Variants in NLRP1 observed in about 807,000 individuals in gnomAD.
The protein encoded by NLRP1 is NLR family pyrin domain containing 1, also known as NACHT, LRR and PYD domains-containing protein 1.
NLRP1 carries 94 observed loss-of-function variants against 136.7 expected under a neutral mutation model. The ratio of observed to expected loss-of-function variants is 0.69; its 90% CI spans 0.58 to 0.82. The LOEUF (loss-of-function observed/expected upper bound fraction) is 0.82, where lower values mean the gene tolerates loss of function less well. NLRP1 is among the 40% of genes least tolerant of loss of function. The pLI is 0.00. For missense variants in NLRP1, 1,575 were observed against 1,802.7 expected, an observed-to-expected ratio of 0.87 and a Z score of 2.29; for synonymous variants, 690 against 725.1, an observed-to-expected ratio of 0.95 and a Z score of 0.78.
Position 5,530,559 on chromosome 17 carries a change from C to CCA in NLRP1, c.3440_3441dup (p.Ala1148TrpfsTer59). On this transcript the variant is annotated frameshift_variant, in exon 12 of 17. Coordinates refer to ENST00000572272, the MANE Select transcript of NLRP1 (RefSeq NM_033004.4). LOFTEE classifies it high-confidence loss of function. ...GCCTTGATGTCCAGCAGAGGCCCTG[C>CCA]CACCATCCAGCTGTGCTGTGGGTTG... is the stretch of plus-strand genomic sequence containing the variant. The CCA allele has an allele frequency of 6.2e-7, 1 of 1,614,242 alleles. No individual in the cohort carries two copies. The highest frequency in any genetic ancestry group is 8.5e-7 in the Non-Finnish European group (1 of 1,180,042).
intron 8 of NLRP1, among the ~76,000 whole-genome samples, chr17:5,535,818 C>T (rs1341290039): frequency 1.3e-5 from 2 of 152,208 alleles, no homozygotes; most frequent in African/African-American, 4.8e-5. Context: ...GGTGGAAATG[C>T]ACCCAACTGG....
intron 3 of NLRP1, among the ~76,000 whole-genome samples, chr17:5,562,685 A>C (rs552365717): frequency 2.0e-5 from 3 of 152,310 alleles, no homozygotes; most frequent in Non-Finnish European, 4.4e-5. Flanking sequence ...CCAAAATACA[A>C]CACCAAAATG....
At chr17:5,526,929 G>A (rs186502766) in intron 12 of NLRP1, among the ~76,000 whole-genome samples, 80 of 152,354 alleles carry the variant, frequency 5.3e-4, no homozygotes, top group Admixed American at 2.5e-3. Context: ...CTCATCACCC[G>A]TTCAGCGACG....
rs893451235 is a variant in NLRP1 at position 5,530,340 on chromosome 17, A to T, written c.3520+141T>A. 19 of 667,960 alleles carry T rather than the reference A, an allele frequency of 2.8e-5. No individual in the cohort carries two copies. The South Asian group carries it at 3.4e-4, about 12-fold the overall frequency. 41.4% of individuals were successfully genotyped at this position (667,960 alleles called of 1,614,324 possible). A position where few individuals can be genotyped will look rare whatever the true frequency, so the allele number is the denominator to read the frequency against. ...CCAGAGAAGAGTGGAATGCAGGAAA[A>T]TCTTAGTCCCCATCTCCATAACCCC... On this transcript the variant is annotated intron_variant, in intron 12 of 16. Transcript: ENST00000572272.
intron 12 of NLRP1, among the ~76,000 whole-genome samples, chr17:5,523,112 T>A (rs1379142504): frequency 6.6e-6 from 1 of 151,994 alleles, no homozygotes; most frequent in Non-Finnish European, 1.5e-5. Flanking sequence ...ATTCTGGCAG[T>A]AGCAGTTGGG....
intron 3 of NLRP1, among the ~76,000 whole-genome samples, chr17:5,577,423 T>C (rs1905132319): frequency 6.6e-6 from 1 of 152,236 alleles, no homozygotes; most frequent in Non-Finnish European, 1.5e-5. Context: ...AGTCTCAGGA[T>C]ACAAAATCAA....
intron 3 of NLRP1, among the ~76,000 whole-genome samples, chr17:5,570,066 A>T (rs546379425): frequency 6.6e-6 from 1 of 152,202 alleles, no homozygotes; most frequent in Non-Finnish European, 1.5e-5. Context: ...TTTGAAACCA[A>T]TTAGAACAAA....
chr17:5,561,426 G>GT (rs61194384), intron 3 of NLRP1, among the ~76,000 whole-genome samples: 766 of 50,384 alleles, frequency 0.015, 175 homozygotes, highest in Admixed American at 0.025. Flanking sequence ...ATGCCATGTG[G>GT]TTTTTTTTTT....
chr17:5,560,196 C>T (rs1282723612), intron 3 of NLRP1, among the ~76,000 whole-genome samples, 153 bp from the exon 4 acceptor site: 1 of 152,256 alleles, frequency 6.6e-6, no homozygotes, highest in African/African-American at 2.4e-5. Context: ...AGGACATGTG[C>T]TTTGGGGTAG....
At chr17:5,519,944 C>A (rs1908683955) in intron 14 of NLRP1, among the ~76,000 whole-genome samples, 1 of 146,770 alleles carries the variant, frequency 6.8e-6, no homozygotes, top group Non-Finnish European at 1.5e-5. Flanking sequence ...GCAACCTCTG[C>A]CTCCCAGGTT....
chr17:5,526,084 C>T (rs118153818), intron 12 of NLRP1, among the ~76,000 whole-genome samples: 2,390 of 152,022 alleles, frequency 0.016, 25 homozygotes, highest in Non-Finnish European at 0.026. Flanking sequence ...AAGTGCTCCT[C>T]TCACCTCAGC....
intron 3 of NLRP1, among the ~76,000 whole-genome samples, chr17:5,574,848 T>C (rs1235003343): frequency 6.6e-6 from 1 of 151,858 alleles, no homozygotes; most frequent in African/African-American, 2.4e-5. Flanking sequence ...TATTTTTTAG[T>C]AGAGATGGGG....
At position 5,583,700 on chromosome 17, in the gene NLRP1, G is replaced by C. The variant is rs1251295901; in HGVS notation, c.258C>G (p.Ala86=). 6.4e-7 allele frequency: 1 copy of C among 1,554,002 alleles called. No homozygotes were observed. The change falls in exon 1 of 17, where the codon GCC becomes GCG. Residue 86 remains alanine, a synonymous_variant. Transcript: ENST00000572272. This position sits in a 1 kb window ranked among gnomAD's most constrained non-coding sequence, Gnocchi z 4.5. ...CTGTCCACTCACCTGCCCCTTCCTGGGCTTGGGCGCACAGTGACCTCAGCC... is the reference window on the plus strand; with the variant it reads ...CTGTCCACTCACCTGCCCCTTCCTGCGCTTGGGCGCACAGTGACCTCAGCC... ...QMGLRSLCAQ[A]QEGAGHSPSF...
At position 5,581,936 on chromosome 17, in the gene NLRP1, G is replaced by T; in HGVS notation, c.575C>A (p.Pro192His). ...CTCCTGCTCTCTGGGTGCTAGGCTG[G>T]GCTGAGGTGGGGATCCCCAGCTCCC... ...VLGSWGSPPQ[P>H]SLAPREQEAP... Residue 192 changes from proline (P) to histidine (H), a missense_variant, in exon 3 of 17, where the codon CCC becomes CAC. Transcript: ENST00000572272. 1 of 1,613,942 alleles carries T rather than the reference G, an allele frequency of 6.2e-7. No individual in the cohort carries two copies. Among genetic ancestry groups the T allele is most frequent in the Non-Finnish European group, 8.5e-7 (1 of 1,179,934 alleles).
At chr17:5,513,301 G>A (rs1297049952), downstream of NLRP1, among the ~76,000 whole-genome samples, 4 of 151,756 alleles carry the variant, frequency 2.6e-5, no homozygotes, top group African/African-American at 4.8e-5. Flanking sequence ...TATGTTGCCC[G>A]GGCTAGTCTC....
downstream of NLRP1, among the ~76,000 whole-genome samples, chr17:5,511,097 C>G (rs1228071112): frequency 6.6e-6 from 1 of 152,158 alleles, no homozygotes; most frequent in Non-Finnish European, 1.5e-5. Context: ...TGATTCCCAG[C>G]TCACTGCCTG....
At chr17:5,573,021 T>C (rs1035759551) in intron 3 of NLRP1, among the ~76,000 whole-genome samples, 4 of 152,030 alleles carry the variant, frequency 2.6e-5, no homozygotes, top group Non-Finnish European at 2.9e-5. Flanking sequence ...GGGCGAGGCA[T>C]TGCCTCACCT....
rs1384759284 is a variant in NLRP1 at position 5,561,463 on chromosome 17, G to A, written c.653-1420C>T. Among the ~76,000 whole-genome samples, 5 of 31,434 alleles carry A rather than the reference G, an allele frequency of 1.6e-4. 1 individual carries two copies. The highest frequency in any genetic ancestry group is 3.1e-4 in the Non-Finnish European group (5 of 16,220). The allele number at this position is 31,434 out of a possible 152,430, so 20.6% of individuals were successfully genotyped here. On this transcript the variant is annotated intron_variant, in intron 3 of 16. Transcript: ENST00000572272. ...TTTTTTTTTTTTTTTTTGAGACGGA[G>A]TCTCGCTCTGTCGCCCAGGCCGGAC...
In NLRP1 at chr17:5,530,390, C is replaced by A. The variant is rs1597408769; in HGVS notation, c.3520+91G>T. The stretch of plus-strand genomic sequence containing the variant: ...CCCCTCGGCCCCTCTAAGGAAGCCA[C>A]AACACCCTCTCCCAGGAGATTATCA... On this transcript the variant is annotated intron_variant, in intron 12 of 16. Transcript: ENST00000572272. 5 of 1,248,796 alleles carry A rather than the reference C, an allele frequency of 4.0e-6. No individual in the cohort carries two copies. In the East Asian group the frequency reaches 9.6e-5, roughly 24 times the overall value. 77.4% of individuals were successfully genotyped at this position (1,248,796 alleles called of 1,614,324 possible).
Sources: gnomAD v4.1 joint callset for allele counts (sites outside exome capture counted in the v4.1 genomes callset) on GRCh38, gnomAD v4.1.1 for gene constraint, Gnocchi (gnomAD v3.1) non-coding constraint, MANE v1.5 for transcripts, NCBI Gene and HGNC (gene_info 2026-07-23, HGNC 2026-07-21) for gene names.